ROS1: variants seen among roughly 807,000 people sequenced by gnomAD.
ROS1 encodes proto-oncogene tyrosine-protein kinase ROS.
In ROS1, 263 loss-of-function variants were observed where a neutral mutation model predicts 273.5. The observed-to-expected ratio is 0.96, with a 90% confidence interval of 0.87 to 1.06. ROS1 has a LOEUF of 1.06. Among genes scored for constraint, ROS1 ranks in the 50% least tolerant of loss-of-function variants. The probability of loss-of-function intolerance (pLI) is 0.00; values close to 1 mark genes in which losing one functional copy is unlikely to be tolerated. For missense variants in ROS1, 2,833 were observed against 2,751.1 expected (o/e 1.03, Z -0.67); for synonymous variants, 1,008 against 954.1 (o/e 1.06, Z -1.04).
intron 7 of ROS1, among the ~76,000 whole-genome samples, chr6:117,399,554 C>T (rs1423048082): frequency 6.6e-6 from 1 of 152,200 alleles, no homozygotes; most frequent in Non-Finnish European, 1.5e-5. Flanking sequence ...CAGCCTGAGG[C>T]TCTCTGCACA....
chr6:117,411,605 C>A (rs1251726705), intron 4 of ROS1, among the ~76,000 whole-genome samples: 1 of 152,090 alleles, frequency 6.6e-6, no homozygotes, highest in Non-Finnish European at 1.5e-5. Flanking sequence ...CCCTCTGGCT[C>A]CACCCTTGGT....
At chr6:117,326,091 T>TATATATATATA (rs1491282002) in intron 34 of ROS1, 133 bp downstream of exon 34, 2 of 143,098 alleles carry the variant, frequency 1.4e-5, no homozygotes, top group South Asian at 2.7e-4. Context: ...GATAATAAGA[T>TATATATATATA]TATATATATA....
At chr6:117,343,086 GT>G (rs11325823) in intron 28 of ROS1, among the ~76,000 whole-genome samples, 23,726 of 143,934 alleles carry the variant, frequency 0.16, 1,917 homozygotes, top group East Asian at 0.24. Flanking sequence ...AGAGTGTTTT[GT>G]TTTTTTTTTT....
At position 117,341,566 on chromosome 6, in the gene ROS1, C is replaced by T. The variant is rs1777928810; in HGVS notation, c.4718G>A (p.Arg1573Lys). 1.9e-6 allele frequency: 3 copies of T among 1,613,756 alleles called. No homozygotes were observed. Among genetic ancestry groups the T allele is most frequent in the South Asian group, 1.1e-5 (1 of 91,068 alleles). The change falls in exon 30 of 44, where the codon AGA (arginine) becomes AAA (lysine). Residue 1573 changes from arginine to lysine, a missense_variant. Transcript: ENST00000368507. ...RSDTSLIISWRESHKPNGPKE... is the reference protein window; with the variant it reads ...RSDTSLIISWKESHKPNGPKE... ...AGGTCCATTTGGCTTGTGAGATTCT[C>T]TCCAAGATATAATGAGGCTGGTGTC...
chr6:117,312,266 C>T (rs983787716), intron 39 of ROS1, among the ~76,000 whole-genome samples: 7 of 152,002 alleles, frequency 4.6e-5, no homozygotes, highest in Non-Finnish European at 1.0e-4. Flanking sequence ...CAAATGATTC[C>T]AAACCTCCAA....
At chr6:117,347,833 T>C (rs1252804515) in intron 27 of ROS1, among the ~76,000 whole-genome samples, 1 of 152,100 alleles carries the variant, frequency 6.6e-6, no homozygotes, top group African/African-American at 2.4e-5. Flanking sequence ...ACCGCCTGAT[T>C]TTTCCTCTTT....
chr6:117,341,081 G>T, intron 31 of ROS1, 54 bp downstream of exon 31: 2 of 1,185,084 alleles, frequency 1.7e-6, no homozygotes, highest in Non-Finnish European at 2.4e-6. Context: ...GCATGAAAAA[G>T]CCCTTTCCAA....
At chr6:117,306,034 T>G (rs1351144282) in intron 42 of ROS1, among the ~76,000 whole-genome samples, 6 of 151,466 alleles carry the variant, frequency 4.0e-5, no homozygotes, top group African/African-American at 1.2e-4. Context: ...CCTCAAGTTT[T>G]TTTTTTTTTT....
In ROS1 at chr6:117,366,002, A is replaced by C. The variant is rs566210553; in HGVS notation, c.2797+74T>G. 860 of 1,302,006 alleles carry C rather than the reference A, an allele frequency of 6.6e-4. 7 individuals are homozygous for C. In the African/African-American group the frequency reaches 0.01, roughly 16 times the overall value. The allele number at this position is 1,302,006 out of a possible 1,614,324, so 80.7% of individuals were successfully genotyped here. A position where few individuals can be genotyped will look rare whatever the true frequency, so the allele number is the denominator to read the frequency against. ...CTTAAAACTTAATTCTTAAGAAAAA[A>C]AAATATCCCAACCTAAACATTTATT... On this transcript the variant is annotated intron_variant, in intron 19 of 43. Coordinates refer to ENST00000368507, the MANE Select transcript of ROS1 (RefSeq NM_001378902.1).
chr6:117,299,935 T>A (rs1708067768), intron 43 of ROS1, among the ~76,000 whole-genome samples: 1 of 150,600 alleles, frequency 6.6e-6, no homozygotes, highest in Admixed American at 6.6e-5. Flanking sequence ...TTTTTTTTTT[T>A]TTTTTGAGAT....
chr6:117,414,041 T>TAAGC (rs946697884), intron 4 of ROS1, among the ~76,000 whole-genome samples: 10 of 71,552 alleles, frequency 1.4e-4, no homozygotes, highest in South Asian at 5.6e-4. Context: ...AGCAAGAAAG[T>TAAGC]AAGCAAGCAA....
intron 36 of ROS1, 170 bp downstream of exon 36, chr6:117,321,089 C>A (rs2128562540): frequency 1.6e-6 from 1 of 614,294 alleles, no homozygotes. Flanking sequence ...CATAATTTTC[C>A]ATCCATCCCA....
At chr6:117,368,555 C>G (rs995271695) in intron 18 of ROS1, among the ~76,000 whole-genome samples, 1 of 152,134 alleles carries the variant, frequency 6.6e-6, no homozygotes, top group South Asian at 2.1e-4. Flanking sequence ...GCAGCAGCAA[C>G]TAGCTACATG....
rs188379495 is a variant in ROS1, at chr6:117,333,125, A to G, written c.5231-3679T>C. On this transcript the variant is annotated intron_variant, in intron 32 of 43. Transcript: ENST00000368507. ...TAGCTAGAGAAATAAAGAAGGAGAC[A>G]GAGAAGAATCAAATAGACACAAAAA... is the stretch of plus-strand genomic sequence containing the variant. 2.0e-3 allele frequency among the ~76,000 whole-genome samples: 302 copies of G among 152,204 alleles called. 2 individuals carry two copies. The highest frequency in any genetic ancestry group is 3.4e-3 in the Non-Finnish European group (231 of 67,998).
Position 117,383,305 on chromosome 6 carries a change from T to C in ROS1, c.2481+12A>G. The C allele has an allele frequency of 6.2e-7, 1 of 1,603,210 alleles. No individual in the cohort carries two copies. Among genetic ancestry groups the C allele is most frequent in the Non-Finnish European group, 8.5e-7 (1 of 1,170,550 alleles). Reference sequence around the variant, plus strand: ...CAGTATTACTAAATGATCAGATCTTTTAATTTGTCACCTTTTTCCCAGAAA... The same window carrying C: ...CAGTATTACTAAATGATCAGATCTTCTAATTTGTCACCTTTTTCCCAGAAA... On this transcript the variant is annotated intron_variant, in intron 17 of 43. Coordinates refer to ENST00000368507, the MANE Select transcript of ROS1 (RefSeq NM_001378902.1).
intron 8 of ROS1, 45 bp downstream of exon 8, chr6:117,396,870 G>T: frequency 1.5e-6 from 2 of 1,334,264 alleles, no homozygotes; most frequent in Non-Finnish European, 2.1e-6. Flanking sequence ...TATCATGCCT[G>T]CAGCCATGCT....
chr6:117,295,922 C>A (rs191595526), intron 43 of ROS1, among the ~76,000 whole-genome samples: 20 of 152,334 alleles, frequency 1.3e-4, no homozygotes, highest in Non-Finnish European at 2.5e-4. Context: ...CTAAGAAGAA[C>A]AGTTTGGAGG....
intron 43 of ROS1, among the ~76,000 whole-genome samples, chr6:117,300,539 A>T (rs534108609): frequency 6.6e-6 from 1 of 152,300 alleles, no homozygotes; most frequent in Non-Finnish European, 1.5e-5. Context: ...GAGGAAGTTG[A>T]AGAGGAGAGG....
intron 32 of ROS1, among the ~76,000 whole-genome samples, chr6:117,333,429 G>T (rs1777240956): frequency 6.6e-6 from 1 of 152,146 alleles, no homozygotes; most frequent in Admixed American, 6.6e-5. Flanking sequence ...AGAGGAGCTG[G>T]TACCATTCCT....
Sources: allele counts gnomAD v4.1 joint callset (sites outside exome capture counted in the v4.1 genomes callset), GRCh38; gene constraint gnomAD v4.1.1; transcripts MANE v1.5; gene names NCBI Gene and HGNC (gene_info 2026-07-23, HGNC 2026-07-21).